Variants in CBFA2T3 observed in about 807,000 individuals in gnomAD.
CBFA2T3 encodes transcriptional corepressor CBFA2T3.
Under a neutral mutation model 58.6 loss-of-function variants are expected in CBFA2T3, and 31 were observed. That is an observed-to-expected ratio of 0.53 (90% confidence interval 0.40 to 0.71). CBFA2T3 has a LOEUF of 0.71. Ranked by LOEUF, CBFA2T3 falls within the 30% of genes least tolerant of loss-of-function variation. CBFA2T3 has a pLI of 0.00. For synonymous variants in CBFA2T3, 531 were observed against 421.9 expected (o/e 1.26, Z -3.17); for missense variants, 1,076 against 963.1 (o/e 1.12, Z -1.55).
At chr16:88,925,459 G>T (rs993493938) in intron 1 of CBFA2T3, among the ~76,000 whole-genome samples, 2 of 152,184 alleles carry the variant, frequency 1.3e-5, no homozygotes, top group Non-Finnish European at 1.5e-5. Context: ...CTGCAGGGGA[G>T]GGAGGCCCTT....
rs1023286025 is a variant in CBFA2T3 at position 88,958,540 on chromosome 16, C to A, written c.151+18117G>T. 4.6e-5 allele frequency among the ~76,000 whole-genome samples: 7 copies of A among 152,164 alleles called. No individual in the cohort carries two copies. Among genetic ancestry groups the A allele is most frequent in the African/African-American group, 1.7e-4 (7 of 41,448 alleles). Reference sequence around the variant, plus strand: ...ACATCCCTGGGCATCACACGCGTGTCGTCTGGAGCAGAAGCTGGTGGAGAG... The same window carrying A: ...ACATCCCTGGGCATCACACGCGTGTAGTCTGGAGCAGAAGCTGGTGGAGAG... On this transcript the variant is annotated intron_variant, in intron 1 of 11. Coordinates refer to ENST00000268679, the MANE Select transcript of CBFA2T3 (RefSeq NM_005187.6). The surrounding 1 kb of genome is among the most constrained non-coding windows in gnomAD (Gnocchi z 4.0).
chr16:88,882,573 TGGGCGTGGCTGTGTGTGC>T (rs1969158223), intron 8 of CBFA2T3, 85 bp downstream of exon 8: 5 of 407,644 alleles, frequency 1.2e-5, no homozygotes, highest in Non-Finnish European at 2.1e-5. Context: ...GGCATGGCTG[TGGGCGTGGCTGTGTGTGC>T]ATGGCTGTGT....
At chr16:88,900,931 C>G (rs1970071440) in intron 2 of CBFA2T3, among the ~76,000 whole-genome samples, 1 of 152,260 alleles carries the variant, frequency 6.6e-6, no homozygotes, top group Non-Finnish European at 1.5e-5. Flanking sequence ...TCTTGAGGTC[C>G]CACCCTTCCG....
chr16:88,877,393 T>C, intron 11 of CBFA2T3, 118 bp from the exon 12 acceptor site: 1 of 808,762 alleles, frequency 1.2e-6, no homozygotes, highest in Non-Finnish European at 1.9e-6. Flanking sequence ...AGAGAGAAAC[T>C]CCAAAGCCCC....
intron 1 of CBFA2T3, among the ~76,000 whole-genome samples, chr16:88,906,228 A>T: frequency 6.6e-6 from 1 of 152,250 alleles, no homozygotes; most frequent in African/African-American, 2.4e-5. Context: ...ACCGCTAGAC[A>T]GGGGCAGCCT....
intron 5 of CBFA2T3, among the ~76,000 whole-genome samples, chr16:88,888,301 CT>C (rs1433371100): frequency 5.4e-5 from 8 of 149,020 alleles, no homozygotes; most frequent in Non-Finnish European, 1.2e-4. Context: ...CTGTGGATGT[CT>C]TGGGAAGGTG....
chr16:88,938,372 C>G (rs1421543515), intron 1 of CBFA2T3: 1 of 152,468 alleles, frequency 6.6e-6, no homozygotes, highest in Non-Finnish European at 1.5e-5. Context: ...CGGGGCTGGA[C>G]AGGGGCCTGG....
intron 11 of CBFA2T3, among the ~76,000 whole-genome samples, chr16:88,877,600 C>G (rs1968887957): frequency 6.6e-6 from 1 of 152,158 alleles, no homozygotes; most frequent in Admixed American, 6.5e-5. Flanking sequence ...AGGGCGTGGC[C>G]CCGGCAGGAT....
chr16:88,892,902 A>C (rs1316763330), intron 3 of CBFA2T3, among the ~76,000 whole-genome samples: 1 of 152,164 alleles, frequency 6.6e-6, no homozygotes, highest in Non-Finnish European at 1.5e-5. Flanking sequence ...TCTGGGGCTG[A>C]AGTCAGGCCC....
chr16:88,976,708 G>A lies in CBFA2T3; in HGVS notation c.100C>T (p.Leu34=). ...QTHPVLESGL[L]ASAGCSAPRG... ...GGTGCGGAGCAGCCGGCAGATGCCA[G>A]GAGGCCGCTCTCCAGCACAGGGTGC... The change falls in exon 1 of 12, where the codon CTG becomes TTG. Residue 34 remains leucine (L), a synonymous_variant. Transcript: ENST00000268679. 1 of 1,559,926 alleles carries A rather than the reference G, an allele frequency of 6.4e-7. No individual in the cohort carries two copies. The highest frequency in any genetic ancestry group is 8.7e-7 in the Non-Finnish European group (1 of 1,151,966).
At chr16:88,948,450 G>A (rs991972515) in intron 1 of CBFA2T3, among the ~76,000 whole-genome samples, 1 of 152,216 alleles carries the variant, frequency 6.6e-6, no homozygotes, top group Non-Finnish European at 1.5e-5. Flanking sequence ...TGCCTTGGCC[G>A]TCAGCCTGGG....
chr16:88,940,958 G>C (rs1446742249), intron 1 of CBFA2T3: 3 of 834,870 alleles, frequency 3.6e-6, no homozygotes, highest in Non-Finnish European at 4.3e-6. Context: ...ATCCGGGAAC[G>C]GCAGCCGCGG....
intron 1 of CBFA2T3, among the ~76,000 whole-genome samples, chr16:88,920,879 CA>C (rs1169442955): frequency 1.3e-5 from 2 of 152,266 alleles, no homozygotes; most frequent in Non-Finnish European, 2.9e-5. Context: ...AGCCCCTCGC[CA>C]GGGGGCTACA....
intron 1 of CBFA2T3, among the ~76,000 whole-genome samples, chr16:88,961,094 G>T (rs769665227): frequency 1.3e-5 from 2 of 152,196 alleles, no homozygotes; most frequent in South Asian, 4.1e-4. Flanking sequence ...GGTGGATGGG[G>T]CTCTGCCTTC....
At position 88,961,543 on chromosome 16, in the gene CBFA2T3, CACT is replaced by C. The variant is rs1225419922; in HGVS notation, c.151+15111_151+15113del. Among the ~76,000 whole-genome samples, 270 of 140,700 alleles carry C rather than the reference CACT, an allele frequency of 1.9e-3. 1 individual carries two copies. Among genetic ancestry groups the C allele is most frequent in the African/African-American group, 2.8e-3 (104 of 36,800 alleles). 92.3% of individuals were successfully genotyped at this position (140,700 alleles called of 152,430 possible). ...CCACTCCATAGTAACCGACCCTCAG[CACT>C]GGGCATTCCCACTCCATAGTAACCG... On this transcript the variant is annotated intron_variant, in intron 1 of 11. Coordinates refer to ENST00000268679, the MANE Select transcript of CBFA2T3 (RefSeq NM_005187.6).
chr16:88,900,336 G>A lies in CBFA2T3; in HGVS notation c.304+1168C>T, dbSNP rs59038367. Among the ~76,000 whole-genome samples, 1,357 of 152,366 alleles carry A rather than the reference G, an allele frequency of 8.9e-3. 25 individuals carry two copies. The highest frequency in any genetic ancestry group is 0.031 in the African/African-American group (1,286 of 41,572). On this transcript the variant is annotated intron_variant, in intron 2 of 11. Coordinates refer to ENST00000268679, the MANE Select transcript of CBFA2T3 (RefSeq NM_005187.6). ...GAGCCAACATCCTACAAACAGGGCCGCAAATCTGCTGCCTGACCGCACAGC... is the reference window on the plus strand; with the variant it reads ...GAGCCAACATCCTACAAACAGGGCCACAAATCTGCTGCCTGACCGCACAGC...
intron 1 of CBFA2T3, among the ~76,000 whole-genome samples, chr16:88,967,473 A>C (rs1487283110): frequency 6.6e-6 from 1 of 151,834 alleles, no homozygotes. Context: ...GGGGACTGCT[A>C]TTGCCCCATT....
At chr16:88,908,477 G>A (rs1970412950) in intron 1 of CBFA2T3, among the ~76,000 whole-genome samples, 1 of 152,234 alleles carries the variant, frequency 6.6e-6, no homozygotes, top group Non-Finnish European at 1.5e-5. Flanking sequence ...GGCCGGGAGA[G>A]GAAGCCGCTT....
At chr16:88,929,372 G>GCAAGGC (rs769278254) in intron 1 of CBFA2T3, among the ~76,000 whole-genome samples, 1 of 152,226 alleles carries the variant, frequency 6.6e-6, no homozygotes, top group Non-Finnish European at 1.5e-5. Context: ...CCCGGTGACA[G>GCAAGGC]CAAGGCCAAG....
Sources: gnomAD v4.1 joint callset for allele counts (sites outside exome capture counted in the v4.1 genomes callset) on GRCh38, gnomAD v4.1.1 for gene constraint, Gnocchi (gnomAD v3.1) non-coding constraint, MANE v1.5 for transcripts, NCBI Gene and HGNC (gene_info 2026-07-23, HGNC 2026-07-21) for gene names.